Variants in MOXD1 observed in about 807,000 individuals in gnomAD.
MOXD1 encodes DBH-like monooxygenase protein 1.
MOXD1 carries 62 observed loss-of-function variants against 66.6 expected under a neutral mutation model. That is an observed-to-expected ratio of 0.93 (90% CI 0.76 to 1.15). The LOEUF (loss-of-function observed/expected upper bound fraction) is 1.15, where lower values mean the gene tolerates loss of function less well. Ranked by LOEUF, MOXD1 falls within the 50% of genes most tolerant of loss-of-function variation. The probability of loss-of-function intolerance (pLI) is 0.00; values close to 1 mark genes in which losing one functional copy is unlikely to be tolerated. For missense variants in MOXD1, 847 were observed against 754.6 expected (o/e 1.12, Z -1.44); for synonymous variants, 303 against 281.9 (o/e 1.07, Z -0.75).
chr6:132,308,090 G>GA (rs202147021), intron 10 of MOXD1, among the ~76,000 whole-genome samples: 4,124 of 136,524 alleles, frequency 0.03, 202 homozygotes, highest in African/African-American at 0.098. Flanking sequence ...GTGGTTTTTT[G>GA]AAAAAAAAAA....
chr6:132,306,576 CA>C (rs1774692903), intron 10 of MOXD1, among the ~76,000 whole-genome samples: 1 of 152,066 alleles, frequency 6.6e-6, no homozygotes. Context: ...TCTCCAAGGT[CA>C]AAATGGAGGA....
chr6:132,400,337 T>C (rs1188009354), intron 1 of MOXD1, among the ~76,000 whole-genome samples: 1 of 152,080 alleles, frequency 6.6e-6, no homozygotes, highest in Admixed American at 6.5e-5. Flanking sequence ...CATCCAAACG[T>C]TGGTCACGAT....
intron 10 of MOXD1, among the ~76,000 whole-genome samples, chr6:132,311,591 C>T (rs1046704226): frequency 6.6e-6 from 1 of 151,866 alleles, no homozygotes; most frequent in African/African-American, 2.4e-5. Flanking sequence ...AATATTATTT[C>T]TTGTGCTTAA....
At chr6:132,346,156 T>G (rs1399838042) in intron 4 of MOXD1, among the ~76,000 whole-genome samples, 1 of 152,070 alleles carries the variant, frequency 6.6e-6, no homozygotes, top group African/African-American at 2.4e-5. Context: ...CATGATAAAA[T>G]ACCAGAGCCC....
At chr6:132,393,947 G>A (rs977797435) in intron 1 of MOXD1, among the ~76,000 whole-genome samples, 1 of 152,130 alleles carries the variant, frequency 6.6e-6, no homozygotes, top group East Asian at 1.9e-4. Context: ...TGACCACTTG[G>A]GTTCCAGAAA....
At chr6:132,370,984 T>C (rs899379547) in intron 4 of MOXD1, among the ~76,000 whole-genome samples, 2 of 152,144 alleles carry the variant, frequency 1.3e-5, no homozygotes, top group Admixed American at 6.5e-5. Context: ...TTTTATTTCA[T>C]TCAACTCAAT....
At chr6:132,376,501 C>CTTTTTTTTT (rs1166086289) in intron 1 of MOXD1, among the ~76,000 whole-genome samples, 4 of 65,382 alleles carry the variant, frequency 6.1e-5, no homozygotes, top group Non-Finnish European at 9.7e-5. Flanking sequence ...ACTACAGCTT[C>CTTTTTTTTT]TTTTTTTTTT....
At chr6:132,301,032 C>G (rs1221213769) in intron 10 of MOXD1, among the ~76,000 whole-genome samples, 1 of 151,952 alleles carries the variant, frequency 6.6e-6, no homozygotes, top group Non-Finnish European at 1.5e-5. Context: ...TTCAAAAAGA[C>G]TAAGCTTTAA....
intron 10 of MOXD1, among the ~76,000 whole-genome samples, chr6:132,303,831 GTGTGTATATATATATATATATATA>G (rs1774617988): frequency 2.1e-4 from 14 of 66,732 alleles, no homozygotes; most frequent in African/African-American, 7.9e-4. Flanking sequence ...GTGTGTGTGT[GTGTGTATATATATATATATATATA>G]TATATATATA....
At chr6:132,326,158 ATTTC>A (rs1775183489) in intron 6 of MOXD1, among the ~76,000 whole-genome samples, 1 of 152,118 alleles carries the variant, frequency 6.6e-6, no homozygotes, top group Non-Finnish European at 1.5e-5. Flanking sequence ...TAAAGTAATA[ATTTC>A]TTAAGCACAT....
At chr6:132,387,256 T>G (rs945004048) in intron 1 of MOXD1, among the ~76,000 whole-genome samples, 2 of 151,484 alleles carry the variant, frequency 1.3e-5, no homozygotes, top group African/African-American at 4.8e-5. Flanking sequence ...TAATACAATA[T>G]AGCTAATACG....
chr6:132,386,428 C>CAAAACAAAAA (rs1776642503), intron 1 of MOXD1, among the ~76,000 whole-genome samples: 1 of 86,012 alleles, frequency 1.2e-5, no homozygotes, highest in Non-Finnish European at 2.7e-5. Context: ...CAAAACAAAA[C>CAAAACAAAAA]AAAACAAAAA....
chr6:132,328,112 A>C lies in MOXD1; in HGVS notation c.847T>G (p.Phe283Val), dbSNP rs1318192871. 4 of 1,612,190 alleles carry C rather than the reference A, an allele frequency of 2.5e-6. No homozygotes were observed. The highest frequency in any genetic ancestry group is 3.4e-6 in the Non-Finnish European group (4 of 1,178,364). Residue 283 changes from phenylalanine to valine, a missense_variant, in exon 6 of 12, where the codon TTT becomes GTT. Physicochemically the swap from Phe to Val is conservative, Grantham distance 50. Transcript: ENST00000367963. The part of the protein sequence containing the change: ...IFAWAIGGEG[F>V]SYPPHVGLSL... ...AATCCAACATGAGGTGGATAAGAAA[A>C]GCCCTAAATATGGAAAATGCCATGA...
At chr6:132,329,253 T>A (rs9321337) in intron 4 of MOXD1, among the ~76,000 whole-genome samples, 56,967 of 151,982 alleles carry the variant, frequency 0.37, 14,740 homozygotes, top group African/African-American at 0.74. Context: ...GCTGAGAATG[T>A]TGGTTTCCAG....
chr6:132,396,558 C>CAA (rs58556958), intron 1 of MOXD1, among the ~76,000 whole-genome samples: 16,081 of 150,682 alleles, frequency 0.11, 1,272 homozygotes, highest in East Asian at 0.42. Flanking sequence ...AAAACAGAGA[C>CAA]AAAAAAAATA....
At chr6:132,388,098 T>A (rs1318804028) in intron 1 of MOXD1, among the ~76,000 whole-genome samples, 3 of 151,444 alleles carry the variant, frequency 2.0e-5, no homozygotes, top group Non-Finnish European at 4.4e-5. Context: ...GTGGAGACCT[T>A]TCCCCTAAGT....
intron 1 of MOXD1, 37 bp downstream of exon 1, chr6:132,401,126 G>T: frequency 6.8e-7 from 1 of 1,464,644 alleles, no homozygotes; most frequent in African/African-American, 1.4e-5. Flanking sequence ...ACGGGACCGG[G>T]CTCGGCCGGG....
At chr6:132,400,979 C>T (rs1777010324) in intron 1 of MOXD1, among the ~76,000 whole-genome samples, 184 bp downstream of exon 1, 1 of 152,240 alleles carries the variant, frequency 6.6e-6, no homozygotes, top group South Asian at 2.1e-4. Flanking sequence ...CTACCGCGCG[C>T]CTTCTGGGGC....
At chr6:132,313,960 T>C (rs1182138635) in intron 10 of MOXD1, among the ~76,000 whole-genome samples, 1 of 151,968 alleles carries the variant, frequency 6.6e-6, no homozygotes, top group Non-Finnish European at 1.5e-5. Flanking sequence ...TATGTGTATA[T>C]TTTCTCTAAT....
Sources: allele counts gnomAD v4.1 joint callset (sites outside exome capture counted in the v4.1 genomes callset), GRCh38; gene constraint gnomAD v4.1.1; transcripts MANE v1.5; gene names NCBI Gene and HGNC (gene_info 2026-07-23, HGNC 2026-07-21).